KATNIP: variants seen among roughly 807,000 people sequenced by gnomAD.
KATNIP encodes the protein katanin interacting protein.
Under a neutral mutation model 174.0 loss-of-function variants are expected in KATNIP, and 126 were observed. The observed-to-expected ratio is 0.72, with a 90% CI of 0.63 to 0.84. KATNIP has a LOEUF of 0.84. Ranked by LOEUF, KATNIP falls within the 40% of genes least tolerant of loss-of-function variation. The probability of loss-of-function intolerance (pLI) is 0.00; values close to 1 mark genes in which losing one functional copy is unlikely to be tolerated. For synonymous variants in KATNIP, 810 were observed against 835.7 expected (o/e 0.97, Z 0.53); for missense variants, 1,958 against 2,109.7 (o/e 0.93, Z 1.41).
chr16:27,628,930 G>A, intron 4 of KATNIP, 100 bp downstream of exon 4: 1 of 1,243,374 alleles, frequency 8.0e-7, no homozygotes. Flanking sequence ...CACTTTGGGA[G>A]GCTGAGGCGG....
At chr16:27,631,308 G>C in intron 5 of KATNIP, 146 bp downstream of exon 5, 1 of 614,356 alleles carries the variant, frequency 1.6e-6, no homozygotes, top group Non-Finnish European at 2.9e-6. Flanking sequence ...GGAGGGTGAG[G>C]TGGGAGGATC....
intron 17 of KATNIP, among the ~76,000 whole-genome samples, chr16:27,753,718 C>T (rs1452199470): frequency 1.3e-5 from 2 of 151,546 alleles, no homozygotes; most frequent in Non-Finnish European, 2.9e-5. Flanking sequence ...CTTCCCCTTC[C>T]TTCCTTCCTT....
intron 5 of KATNIP, among the ~76,000 whole-genome samples, chr16:27,641,532 G>A (rs1160343508): frequency 6.6e-6 from 1 of 152,086 alleles, no homozygotes; most frequent in Non-Finnish European, 1.5e-5. Flanking sequence ...CTTAGGGCCC[G>A]GGCAGGAAGT....
At chr16:27,589,772 C>CT (rs1289280360) in intron 2 of KATNIP, among the ~76,000 whole-genome samples, 8 of 151,840 alleles carry the variant, frequency 5.3e-5, no homozygotes, top group African/African-American at 1.9e-4. Flanking sequence ...ATTTCTTTTA[C>CT]TTTTTTATTT....
intron 2 of KATNIP, among the ~76,000 whole-genome samples, chr16:27,611,454 G>C (rs900738791): frequency 6.6e-6 from 1 of 152,164 alleles, no homozygotes; most frequent in Non-Finnish European, 1.5e-5. Context: ...ATCTTGCCTG[G>C]CACATAGTAA....
At chr16:27,568,297 A>G (rs1335971896) in intron 1 of KATNIP, among the ~76,000 whole-genome samples, 2 of 152,204 alleles carry the variant, frequency 1.3e-5, no homozygotes, top group African/African-American at 2.4e-5. Context: ...GATATTTGCT[A>G]TTACAAATCA....
rs2078073688 is a variant in KATNIP at position 27,675,311 on chromosome 16, C to A, written c.541-2418C>A. Among the ~76,000 whole-genome samples, 3 of 152,188 alleles carry A rather than the reference C, an allele frequency of 2.0e-5. No homozygotes were observed. The South Asian group carries it at 6.2e-4, about 32-fold the overall frequency. ...GTGAGACTATTCACTACCACAAGAA[C>A]AGTATGGGGAAACTGCCCCTATGAT... On this transcript the variant is annotated intron_variant, in intron 6 of 27. Transcript: ENST00000261588.
chr16:27,761,721 T>C, intron 19 of KATNIP, 131 bp downstream of exon 19: 1 of 831,620 alleles, frequency 1.2e-6, no homozygotes, highest in Non-Finnish European at 1.9e-6. Context: ...TGTGAGGTAA[T>C]GTGGTCAAGG....
chr16:27,735,004 T>C (rs1411214130), intron 14 of KATNIP, among the ~76,000 whole-genome samples: 7 of 152,238 alleles, frequency 4.6e-5, no homozygotes, highest in Admixed American at 4.6e-4. Flanking sequence ...TTAAACAGAA[T>C]ATCCAGAGAA....
chr16:27,571,639 TGGGCCCTGTGGGGCCCTGCA>T (rs558825417), intron 1 of KATNIP, among the ~76,000 whole-genome samples: 316 of 152,326 alleles, frequency 2.1e-3, no homozygotes, highest in African/African-American at 7.1e-3. Flanking sequence ...GCTCTTGCCC[TGGGCCCTGTGGGGCCCTGCA>T]GGGCCCTGCT....
intron 1 of KATNIP, among the ~76,000 whole-genome samples, chr16:27,572,400 A>ACACACACACACACACAC (rs2090341307): frequency 2.4e-5 from 1 of 41,434 alleles, no homozygotes; most frequent in African/African-American, 7.0e-5. Context: ...CACACACACA[A>ACACACACACACACACAC]TGAAGACAAA....
intron 1 of KATNIP, among the ~76,000 whole-genome samples, chr16:27,572,660 G>T (rs1482275471): frequency 6.6e-6 from 1 of 152,154 alleles, no homozygotes; most frequent in Non-Finnish European, 1.5e-5. Context: ...CAGGGCGTGG[G>T]ATTATGTATA....
intron 9 of KATNIP, 197 bp from the exon 10 acceptor site, chr16:27,699,337 C>T: frequency 3.3e-6 from 2 of 615,124 alleles, no homozygotes; most frequent in South Asian, 7.2e-5. Context: ...CAGGCTCTAT[C>T]TTGGGGTTGA....
intron 8 of KATNIP, among the ~76,000 whole-genome samples, chr16:27,689,943 C>T (rs543020568): frequency 6.6e-6 from 1 of 152,254 alleles, no homozygotes; most frequent in East Asian, 1.9e-4. Context: ...AGAGGACAAG[C>T]CCATGCCTGG....
At chr16:27,715,977 A>T (rs963703557) in intron 13 of KATNIP, among the ~76,000 whole-genome samples, 4 of 96,432 alleles carry the variant, frequency 4.1e-5, no homozygotes, top group African/African-American at 1.0e-4. Flanking sequence ...ACATTTATTT[A>T]AAAAAAAAAA....
chr16:27,565,120 G>T (rs1271946885), intron 1 of KATNIP, among the ~76,000 whole-genome samples: 1 of 151,440 alleles, frequency 6.6e-6, no homozygotes, highest in Non-Finnish European at 1.5e-5. Flanking sequence ...TTGTTTTAGT[G>T]GGATGTCCTT....
intron 3 of KATNIP, among the ~76,000 whole-genome samples, chr16:27,626,465 G>A (rs1309178666): frequency 6.6e-6 from 1 of 152,130 alleles, no homozygotes; most frequent in African/African-American, 2.4e-5. Context: ...TGAATTACCA[G>A]CGATGTCTAA....
chr16:27,595,547 A>G (rs915423976), intron 2 of KATNIP, among the ~76,000 whole-genome samples: 1 of 151,446 alleles, frequency 6.6e-6, no homozygotes, highest in South Asian at 2.1e-4. Context: ...TGGGGGCCCT[A>G]TAGAGGAAAC....
In KATNIP at chr16:27,776,017, T is replaced by C. The variant is rs2082484446; in HGVS notation, c.4450-911T>C. Among the ~76,000 whole-genome samples, 1 of 152,172 alleles carries C rather than the reference T, an allele frequency of 6.6e-6. No homozygotes were observed. The highest frequency in any genetic ancestry group is 2.1e-4 in the South Asian group (1 of 4,830). On this transcript the variant is annotated intron_variant, in intron 24 of 27. Coordinates refer to ENST00000261588, the MANE Select transcript of KATNIP (RefSeq NM_015202.5). The surrounding 1 kb of genome is among the most constrained non-coding windows in gnomAD (Gnocchi z 4.7). ...CTGACGGCCAGCGGGTATTTTCCATTGTCTAGCACTGGAAGGCCTTTTGGG... is the reference window on the plus strand; with the variant it reads ...CTGACGGCCAGCGGGTATTTTCCATCGTCTAGCACTGGAAGGCCTTTTGGG...
Sources: gnomAD v4.1 joint callset for allele counts (sites outside exome capture counted in the v4.1 genomes callset) on GRCh38, gnomAD v4.1.1 for gene constraint, Gnocchi (gnomAD v3.1) non-coding constraint, MANE v1.5 for transcripts, NCBI Gene and HGNC (gene_info 2026-07-23, HGNC 2026-07-21) for gene names.